The following RAB2A variants were observed in gnomAD, a reference collection of about 807,000 sequenced individuals.
RAB2A encodes the protein ras-related protein Rab-2A.
Under a neutral mutation model 32.5 loss-of-function variants are expected in RAB2A, and 7 were observed. That is an observed-to-expected ratio of 0.22 (90% CI 0.12 to 0.40). RAB2A has a LOEUF of 0.40. RAB2A is among the 10% of genes least tolerant of loss of function. The probability of loss-of-function intolerance (pLI) is 1.00; values close to 1 mark genes in which losing one functional copy is unlikely to be tolerated. For missense variants in RAB2A, 108 were observed against 260.7 expected, an observed-to-expected ratio of 0.41 and a Z score of 4.03; for synonymous variants, 79 against 85.2, an observed-to-expected ratio of 0.93 and a Z score of 0.40.
At chr8:60,618,483 T>TTC in intron 6 of RAB2A, 97 bp from the exon 7 acceptor site, 1 of 536,986 alleles carries the variant, frequency 1.9e-6, no homozygotes, top group Non-Finnish European at 2.8e-6. Context: ...TCGATTGACT[T>TTC]TCATATGTTG....
At chr8:60,583,726 G>C (rs1048134992) in intron 3 of RAB2A, among the ~76,000 whole-genome samples, 2 of 152,142 alleles carry the variant, frequency 1.3e-5, no homozygotes, top group Admixed American at 1.3e-4. Context: ...GCAGATGGTG[G>C]GCGTAAAGAT....
intron 3 of RAB2A, among the ~76,000 whole-genome samples, chr8:60,576,452 G>A (rs1406116048): frequency 6.6e-6 from 1 of 151,980 alleles, no homozygotes; most frequent in East Asian, 1.9e-4. Flanking sequence ...AAAAAAAATT[G>A]TAATATGGAT....
chr8:60,584,009 A>G, intron 3 of RAB2A, 199 bp from the exon 4 acceptor site: 1 of 484,994 alleles, frequency 2.1e-6, no homozygotes, highest in South Asian at 2.2e-5. Context: ...CATGTGCACT[A>G]CATGTGCGTC....
intron 6 of RAB2A, among the ~76,000 whole-genome samples, chr8:60,595,693 A>C (rs1408601908): frequency 9.8e-5 from 15 of 152,340 alleles, no homozygotes; most frequent in Non-Finnish European, 1.5e-5. Flanking sequence ...TGACAGTGCT[A>C]AACATGCGTG....
intron 1 of RAB2A, among the ~76,000 whole-genome samples, chr8:60,544,967 A>G (rs911229212): frequency 1.7e-4 from 25 of 151,482 alleles, no homozygotes; most frequent in African/African-American, 6.1e-4. Flanking sequence ...CTGGTTTTGA[A>G]CTCCTGAGCT....
intron 2 of RAB2A, 53 bp downstream of exon 2, chr8:60,558,976 G>A: frequency 1.5e-6 from 2 of 1,346,916 alleles, no homozygotes; most frequent in South Asian, 1.2e-5. Flanking sequence ...TAGTTTAAAT[G>A]GAAAATGCTA....
chr8:60,594,678 T>C (rs960072148), intron 6 of RAB2A, among the ~76,000 whole-genome samples: 2 of 152,174 alleles, frequency 1.3e-5, no homozygotes, highest in Admixed American at 1.3e-4. Flanking sequence ...TTCCCTGCCC[T>C]GTGTCCAAGT....
intron 3 of RAB2A, among the ~76,000 whole-genome samples, chr8:60,572,603 C>T (rs1227707606): frequency 2.0e-5 from 3 of 152,162 alleles, no homozygotes; most frequent in Non-Finnish European, 4.4e-5. Context: ...GGTGATTCCT[C>T]ATCTGAACCA....
chr8:60,614,266 T>C lies in RAB2A; in HGVS notation c.475-4314T>C, dbSNP rs184247048. 2.2e-3 allele frequency among the ~76,000 whole-genome samples: 300 copies of C among 133,886 alleles called. 3 individuals are homozygous for C. The highest frequency in any genetic ancestry group is 4.2e-3 in the Non-Finnish European group (254 of 60,002). 87.8% of individuals were successfully genotyped at this position (133,886 alleles called of 152,430 possible). On this transcript the variant is annotated intron_variant, in intron 6 of 7. Transcript: ENST00000262646. ...CGGTTAGTGCAGAAAGTTTTTTTCT[T>C]CCATCTTTATGGAGATTTGAGCCAT...
chr8:60,529,749 C>A (rs1807447811), intron 1 of RAB2A, among the ~76,000 whole-genome samples: 3 of 152,084 alleles, frequency 2.0e-5, no homozygotes, highest in Admixed American at 1.3e-4. Flanking sequence ...GACTATACTG[C>A]AGTTTTCTCC....
At chr8:60,545,273 C>G (rs1018340964) in intron 1 of RAB2A, among the ~76,000 whole-genome samples, 1 of 152,120 alleles carries the variant, frequency 6.6e-6, no homozygotes, top group African/African-American at 2.4e-5. Flanking sequence ...CGTGCTAAGT[C>G]TCTGGGATGG....
intron 1 of RAB2A, among the ~76,000 whole-genome samples, chr8:60,536,415 A>G (rs2130813873): frequency 6.6e-6 from 1 of 152,290 alleles, no homozygotes; most frequent in South Asian, 2.1e-4. Flanking sequence ...TTTATTAGAT[A>G]ATTATATTTT....
intron 2 of RAB2A, among the ~76,000 whole-genome samples, chr8:60,559,688 G>A (rs1299867281): frequency 6.6e-6 from 1 of 152,130 alleles, no homozygotes; most frequent in Non-Finnish European, 1.5e-5. Flanking sequence ...TTATTCTTCT[G>A]TGGCTGTAGC....
At chr8:60,620,072 C>G (rs1326384792) in intron 7 of RAB2A, among the ~76,000 whole-genome samples, 4 of 152,264 alleles carry the variant, frequency 2.6e-5, no homozygotes, top group Admixed American at 6.5e-5. Flanking sequence ...AGCTTAATTT[C>G]TGAAGCTACT....
chr8:60,530,684 G>T (rs932618776), intron 1 of RAB2A, among the ~76,000 whole-genome samples: 4 of 152,070 alleles, frequency 2.6e-5, no homozygotes, highest in Non-Finnish European at 5.9e-5. Flanking sequence ...TTTAACAGGA[G>T]AATTTAATGT....
intron 1 of RAB2A, 96 bp downstream of exon 1, chr8:60,517,349 A>T: frequency 8.6e-7 from 1 of 1,158,534 alleles, no homozygotes; most frequent in Non-Finnish European, 1.1e-6. Flanking sequence ...CGCGGACTCC[A>T]CCCGGCGCCT....
intron 6 of RAB2A, among the ~76,000 whole-genome samples, chr8:60,598,963 A>G (rs1025389847): frequency 2.8e-5 from 4 of 143,524 alleles, no homozygotes; most frequent in African/African-American, 8.4e-5. Context: ...AAAAAAAAAA[A>G]AAAGAAAAGG....
intron 6 of RAB2A, among the ~76,000 whole-genome samples, chr8:60,601,945 T>A: frequency 6.6e-6 from 1 of 152,194 alleles, no homozygotes; most frequent in Non-Finnish European, 1.5e-5. Flanking sequence ...TGGGGTACTG[T>A]GGTTTGAACT....
intron 3 of RAB2A, 57 bp from the exon 4 acceptor site, chr8:60,584,151 G>C: frequency 7.4e-7 from 1 of 1,343,444 alleles, no homozygotes. Context: ...TGAATAATAT[G>C]AAAATGTAGA....
Sources: allele counts gnomAD v4.1 joint callset (sites outside exome capture counted in the v4.1 genomes callset), GRCh38; gene constraint gnomAD v4.1.1; transcripts MANE v1.5; gene names NCBI Gene and HGNC (gene_info 2026-07-23, HGNC 2026-07-21).